DNM3: variants seen among roughly 807,000 people sequenced by gnomAD.
DNM3 encodes dynamin 3.
DNM3 carries 47 observed loss-of-function variants against 101.6 expected under a neutral mutation model. The observed-to-expected ratio is 0.46, with a 90% CI of 0.37 to 0.59. The LOEUF is 0.59. Ranked by LOEUF, DNM3 falls within the 20% of genes least tolerant of loss-of-function variation. The pLI is 0.00. For missense variants in DNM3, 849 were observed against 1,085.7 expected, an observed-to-expected ratio of 0.78 and a Z score of 3.06; for synonymous variants, 385 against 387.9, an observed-to-expected ratio of 0.99 and a Z score of 0.09.
At chr1:172,070,832 A>T (rs1247182653) in intron 11 of DNM3, among the ~76,000 whole-genome samples, 1 of 151,932 alleles carries the variant, frequency 6.6e-6, no homozygotes, top group African/African-American at 2.4e-5. Context: ...CACACCTGTA[A>T]TCCCAGCACT....
At chr1:172,281,199 A>T (rs1443211486) in intron 15 of DNM3, among the ~76,000 whole-genome samples, 2 of 152,184 alleles carry the variant, frequency 1.3e-5, no homozygotes, top group African/African-American at 4.8e-5. Flanking sequence ...TGACAGAAGT[A>T]TAGAGAAGGA....
intron 20 of DNM3, among the ~76,000 whole-genome samples, chr1:172,397,885 T>C (rs2070146767): frequency 6.6e-6 from 1 of 152,198 alleles, no homozygotes; most frequent in South Asian, 2.1e-4. Flanking sequence ...CAATAATTAT[T>C]GCTACTGAAT....
intron 4 of DNM3, among the ~76,000 whole-genome samples, chr1:172,024,851 G>A (rs2048089229): frequency 6.6e-6 from 1 of 152,222 alleles, no homozygotes; most frequent in South Asian, 2.1e-4. Flanking sequence ...AGGGCCTGGG[G>A]TTTCAAGCAC....
chr1:172,162,985 A>G (rs984224531), intron 14 of DNM3, among the ~76,000 whole-genome samples: 2 of 152,128 alleles, frequency 1.3e-5, no homozygotes, highest in South Asian at 2.1e-4. Context: ...CTGCCTATTC[A>G]TGAAAGCAGG....
At position 172,292,501 on chromosome 1, in the gene DNM3, C is replaced by T. The variant is rs532493326; in HGVS notation, c.1770-16227C>T. 2.0e-5 allele frequency among the ~76,000 whole-genome samples: 3 copies of T among 152,162 alleles called. No individual in the cohort carries two copies. The East Asian group carries it at 5.8e-4, about 29-fold the overall frequency. On this transcript the variant is annotated intron_variant, in intron 15 of 20. Coordinates refer to ENST00000627582, the MANE Select transcript of DNM3 (RefSeq NM_015569.5). The stretch of plus-strand genomic sequence containing the variant: ...AAATCCTTTTAAAATAGAACAAATG[C>T]ATAGGAGAGCTAAAAGGATGTTGCA...
chr1:171,975,792 A>G lies in DNM3; in HGVS notation c.236-11864A>G, dbSNP rs541600213. Among the ~76,000 whole-genome samples the G allele has an allele frequency of 1.8e-4, 27 of 152,318 alleles. No individual in the cohort carries two copies. The East Asian group carries it at 5.2e-3, about 29-fold the overall frequency. On this transcript the variant is annotated intron_variant, in intron 2 of 20. Transcript: ENST00000627582. ...AAAACAACTTTGAAAAATAACATTG[A>G]GGTTGGAGAATTAACATTATCTGAT...
At chr1:172,234,005 A>G (rs1004795385) in intron 14 of DNM3, among the ~76,000 whole-genome samples, 15 of 152,070 alleles carry the variant, frequency 9.9e-5, no homozygotes, top group Admixed American at 6.5e-5. Context: ...CTCTCTCACC[A>G]CTCCTATTCA....
intron 15 of DNM3, among the ~76,000 whole-genome samples, chr1:172,284,686 C>T (rs2063629183): frequency 6.6e-6 from 1 of 152,162 alleles, no homozygotes; most frequent in Non-Finnish European, 1.5e-5. Flanking sequence ...TACAGAGACA[C>T]TTGGCATGGA....
At chr1:172,205,212 A>T (rs1029122148) in intron 14 of DNM3, among the ~76,000 whole-genome samples, 1 of 152,070 alleles carries the variant, frequency 6.6e-6, no homozygotes, top group South Asian at 2.1e-4. Flanking sequence ...ATCTTTTATA[A>T]TCTTCCCAGG....
At chr1:172,362,818 A>C (rs74124065) in intron 17 of DNM3, among the ~76,000 whole-genome samples, 1 of 151,658 alleles carries the variant, frequency 6.6e-6, no homozygotes, top group African/African-American at 2.4e-5. Context: ...AGCTCTGTTA[A>C]AGATTCTTCC....
At position 172,259,480 on chromosome 1, in the gene DNM3, G is replaced by A. The variant is rs184317316; in HGVS notation, c.1769+5798G>A. Among the ~76,000 whole-genome samples the A allele has an allele frequency of 6.6e-5, 10 of 151,858 alleles. No individual in the cohort carries two copies. The East Asian group carries it at 1.9e-3, about 29-fold the overall frequency. On this transcript the variant is annotated intron_variant, in intron 15 of 20. Coordinates refer to ENST00000627582, the MANE Select transcript of DNM3 (RefSeq NM_015569.5). ...ATTACAATCATTATATCCTCTTGAT[G>A]AACTGACACCTCTTTCATTATATAA... is the stretch of plus-strand genomic sequence containing the variant.
In DNM3 at chr1:172,267,046, G is replaced by A. The variant is rs1361156247; in HGVS notation, c.1769+13364G>A. On this transcript the variant is annotated intron_variant, in intron 15 of 20. Coordinates refer to ENST00000627582, the MANE Select transcript of DNM3 (RefSeq NM_015569.5). The stretch of plus-strand genomic sequence containing the variant: ...AGTAGTGTTACTAGGGGGATCACCT[G>A]AACAATGAGTTTAAGAAATGGAGTG... Among the ~76,000 whole-genome samples, 6 of 152,170 alleles carry A rather than the reference G, an allele frequency of 3.9e-5. No homozygotes were observed. The East Asian group carries it at 1.2e-3, about 29-fold the overall frequency.
intron 2 of DNM3, among the ~76,000 whole-genome samples, chr1:171,948,526 A>G (rs1277172325): frequency 6.6e-6 from 1 of 152,216 alleles, no homozygotes; most frequent in Non-Finnish European, 1.5e-5. Context: ...CATTATATAG[A>G]TAAGCTTACA....
At chr1:172,179,593 C>T (rs1474699130) in intron 14 of DNM3, among the ~76,000 whole-genome samples, 1 of 151,202 alleles carries the variant, frequency 6.6e-6, no homozygotes, top group East Asian at 2.0e-4. Flanking sequence ...AAAATGTATA[C>T]AGGCAATATT....
intron 4 of DNM3, among the ~76,000 whole-genome samples, chr1:172,025,842 AT>A (rs1382171639): frequency 1.3e-5 from 2 of 152,190 alleles, no homozygotes; most frequent in Non-Finnish European, 2.9e-5. Flanking sequence ...ATCTATGAAG[AT>A]GAGGAGAAAG....
chr1:172,378,168 CT>C (rs1308786167), intron 17 of DNM3: 1 of 152,042 alleles, frequency 6.6e-6, no homozygotes, highest in African/African-American at 2.4e-5. Flanking sequence ...TTCAAGCTGA[CT>C]TGAAATGGAG....
At chr1:172,326,880 C>G (rs1329076843) in intron 17 of DNM3, among the ~76,000 whole-genome samples, 1 of 151,996 alleles carries the variant, frequency 6.6e-6, no homozygotes, top group Non-Finnish European at 1.5e-5. Flanking sequence ...CATGTAAGCT[C>G]GTGCCTTGTG....
intron 14 of DNM3, among the ~76,000 whole-genome samples, chr1:172,176,473 G>A (rs757269814): frequency 6.6e-5 from 10 of 151,762 alleles, no homozygotes; most frequent in Non-Finnish European, 1.3e-4. Context: ...AACTAGTGCC[G>A]TGACCAACAG....
chr1:172,259,486 AC>A (rs1345634394), intron 15 of DNM3, among the ~76,000 whole-genome samples: 34 of 151,842 alleles, frequency 2.2e-4, no homozygotes, highest in Non-Finnish European at 4.4e-5. Flanking sequence ...TGATGAACTG[AC>A]ACCTCTTTCA....
Sources: allele counts gnomAD v4.1 joint callset (sites outside exome capture counted in the v4.1 genomes callset), GRCh38; gene constraint gnomAD v4.1.1; transcripts MANE v1.5; gene names NCBI Gene and HGNC (gene_info 2026-07-23, HGNC 2026-07-21).